The following PACRGL variants were observed in gnomAD, a reference collection of about 807,000 sequenced individuals.
PACRGL encodes the protein PACRG-like protein.
In PACRGL, 38 loss-of-function variants were observed where a neutral mutation model predicts 34.5. The ratio of observed to expected loss-of-function variants is 1.10; its 90% CI spans 0.85 to 1.44. The LOEUF (loss-of-function observed/expected upper bound fraction) is 1.44, where lower values mean the gene tolerates loss of function less well. PACRGL is among the 40% of genes most tolerant of loss of function. The probability of loss-of-function intolerance (pLI) is 0.00; values close to 1 mark genes in which losing one functional copy is unlikely to be tolerated. For missense variants in PACRGL, 305 were observed against 281.4 expected, an observed-to-expected ratio of 1.08 and a Z score of -0.60; for synonymous variants, 128 against 100.1, an observed-to-expected ratio of 1.28 and a Z score of -1.66.
At chr4:20,704,839 C>T (rs779412044) in intron 3 of PACRGL, 25 bp downstream of exon 3, 28 of 1,610,646 alleles carry the variant, frequency 1.7e-5, no homozygotes, top group Non-Finnish European at 2.4e-5. Context: ...ATTCCTAACT[C>T]AGTAGATTTT....
At chr4:20,707,106 T>C (rs912863331) in intron 3 of PACRGL, among the ~76,000 whole-genome samples, 10 of 152,218 alleles carry the variant, frequency 6.6e-5, no homozygotes, top group Non-Finnish European at 1.2e-4. Flanking sequence ...ATATTAAAAG[T>C]ACCATGTGAT....
chr4:20,763,342 C>T, the PACRGL span, among the ~76,000 whole-genome samples: 1 of 152,124 alleles, frequency 6.6e-6, no homozygotes, highest in East Asian at 1.9e-4. Context: ...ACATAACAAT[C>T]TTGGGTGAGT....
intron 3 of PACRGL, among the ~76,000 whole-genome samples, chr4:20,705,684 C>G (rs894971558): frequency 6.6e-6 from 1 of 151,948 alleles, no homozygotes; most frequent in African/African-American, 2.4e-5. Flanking sequence ...TTTTCTTCCT[C>G]TCTTTAAAGA....
chr4:20,746,968 A>G (rs555242860), intron 8 of PACRGL, among the ~76,000 whole-genome samples: 1 of 152,314 alleles, frequency 6.6e-6, no homozygotes, highest in South Asian at 2.1e-4. Flanking sequence ...TAGCTAATCA[A>G]TTTAGAAAAG....
chr4:20,750,547 T>C (rs1172978443), intron 8 of PACRGL, among the ~76,000 whole-genome samples: 1 of 152,202 alleles, frequency 6.6e-6, no homozygotes, highest in Non-Finnish European at 1.5e-5. Context: ...TTTGCTTCTA[T>C]TGGGTATTCT....
At chr4:20,721,743 G>A (rs1560355711) in intron 7 of PACRGL, among the ~76,000 whole-genome samples, 1 of 152,234 alleles carries the variant, frequency 6.6e-6, no homozygotes, top group Non-Finnish European at 1.5e-5. Flanking sequence ...CTACTGGGGG[G>A]TGCCTCTCAG....
intron 1 of PACRGL, among the ~76,000 whole-genome samples, chr4:20,703,907 T>A (rs1733405643): frequency 6.6e-6 from 1 of 152,206 alleles, no homozygotes; most frequent in South Asian, 2.1e-4. Flanking sequence ...TTTTTCAGTC[T>A]GAGGACCAGA....
intron 5 of PACRGL, among the ~76,000 whole-genome samples, chr4:20,712,426 A>C (rs1301341570): frequency 6.6e-6 from 1 of 152,090 alleles, no homozygotes; most frequent in Non-Finnish European, 1.5e-5. Context: ...ATAATACAAT[A>C]TAAAAATTAT....
intron 7 of PACRGL, among the ~76,000 whole-genome samples, chr4:20,724,321 A>G (rs1252436702): frequency 6.6e-6 from 1 of 152,172 alleles, no homozygotes; most frequent in East Asian, 1.9e-4. Flanking sequence ...CCTCTGTGCT[A>G]TACAGAGTGT....
chr4:20,749,882 TAGAGGACTAG>T, intron 8 of PACRGL: 1 of 521,408 alleles, frequency 1.9e-6, no homozygotes, highest in South Asian at 3.2e-5. Flanking sequence ...CCTCTTTCTG[TAGAGGACTAG>T]AGTTTGAGAT....
At chr4:20,766,296 C>T in the PACRGL span, among the ~76,000 whole-genome samples, 20 of 152,064 alleles carry the variant, frequency 1.3e-4, no homozygotes, top group African/African-American at 3.4e-4. Flanking sequence ...AGGCCAGGCA[C>T]GGTGGGTCAT....
intron 8 of PACRGL, among the ~76,000 whole-genome samples, chr4:20,726,470 A>G (rs1745690432): frequency 6.6e-6 from 1 of 152,192 alleles, no homozygotes; most frequent in Admixed American, 6.5e-5. Flanking sequence ...TTCCTATTGC[A>G]ATTACATACC....
chr4:20,725,926 A>G (rs1175970740), intron 8 of PACRGL, among the ~76,000 whole-genome samples: 1 of 151,934 alleles, frequency 6.6e-6, no homozygotes, highest in Non-Finnish European at 1.5e-5. Context: ...CCTCTAGCTA[A>G]TCCCATGTCT....
chr4:20,704,501 C>G lies in PACRGL; in HGVS notation c.20C>G (p.Ser7Cys). The G allele has an allele frequency of 1.2e-6, 2 of 1,613,782 alleles. No homozygotes were observed. Among genetic ancestry groups the G allele is most frequent in the Non-Finnish European group, 1.7e-6 (2 of 1,179,938 alleles). The part of the protein sequence containing the change: MQKSEG[S>C]GGTQLKNRAT... ...GAAGCAATGCAGAAATCAGAGGGCT[C>G]TGGAGGTACACAGTTGAAAAACAGA... is the stretch of plus-strand genomic sequence containing the variant. Residue 7 changes from serine (S) to cysteine (C), a missense_variant, in exon 2 of 9, where the codon TCT becomes TGT. Transcript: ENST00000503585.
chr4:20,763,421 G>A, the PACRGL span, among the ~76,000 whole-genome samples: 12 of 152,198 alleles, frequency 7.9e-5, no homozygotes, highest in Admixed American at 5.2e-4. Flanking sequence ...AACATATGGC[G>A]CCAACAGTCT....
downstream of PACRGL, chr4:20,732,649 C>T (rs749112104): frequency 2.9e-6 from 4 of 1,401,756 alleles, no homozygotes; most frequent in African/African-American, 1.4e-5. Context: ...CTCCTAACTT[C>T]ATGCCCTCTT....
At chr4:20,709,191 T>A (rs1735962996) in intron 4 of PACRGL, among the ~76,000 whole-genome samples, 1 of 152,146 alleles carries the variant, frequency 6.6e-6, no homozygotes, top group Non-Finnish European at 1.5e-5. Flanking sequence ...GCCACCACTT[T>A]GTAACCCTAA....
chr4:20,758,799 A>G, the PACRGL span: 2 of 1,586,540 alleles, frequency 1.3e-6, no homozygotes, highest in Non-Finnish European at 1.7e-6. Flanking sequence ...TAGTATGTTA[A>G]CAAGTCCACA....
At position 20,728,347 on chromosome 4, in the gene PACRGL, T is replaced by TTGTACATGCATTCATTG. The variant is rs1746627372; in HGVS notation, c.*1007_*1023dup. Reference sequence around the variant, plus strand: ...TATTCAGCAATTAAAATGTTAAAACTTGTACATGCATTCATTGATTTTGTT... The same window carrying TTGTACATGCATTCATTG: ...TATTCAGCAATTAAAATGTTAAAACTTGTACATGCATTCATTGTGTACATGCATTCATTGATTTTGTT... On this transcript the variant is annotated 3_prime_UTR_variant, in exon 9 of 9. Transcript: ENST00000503585. 2.0e-5 allele frequency: 3 copies of TTGTACATGCATTCATTG among 152,002 alleles called. No individual in the cohort carries two copies. Among genetic ancestry groups the TTGTACATGCATTCATTG allele is most frequent in the African/African-American group, 7.2e-5 (3 of 41,568 alleles). 9.4% of individuals were successfully genotyped at this position (152,002 alleles called of 1,614,324 possible). A position where few individuals can be genotyped will look rare whatever the true frequency, so the allele number is the denominator to read the frequency against.
Sources: gnomAD v4.1 joint callset for allele counts (sites outside exome capture counted in the v4.1 genomes callset) on GRCh38, gnomAD v4.1.1 for gene constraint, MANE v1.5 for transcripts, NCBI Gene and HGNC (gene_info 2026-07-23, HGNC 2026-07-21) for gene names.